Variants in C12orf42 observed in about 807,000 individuals in gnomAD.
The protein encoded by C12orf42 is uncharacterized protein C12orf42.
Under a neutral mutation model 21.6 loss-of-function variants are expected in C12orf42, and 25 were observed. The ratio of observed to expected loss-of-function variants is 1.16; its 90% confidence interval spans 0.84 to 1.62. The LOEUF (loss-of-function observed/expected upper bound fraction) is 1.62. Among genes scored for constraint, C12orf42 ranks in the 40% most tolerant of loss-of-function variants. The pLI is 0.00. For synonymous variants in C12orf42, 174 were observed against 175.0 expected (o/e 0.99, Z 0.05); for missense variants, 483 against 459.3 (o/e 1.05, Z -0.47).
chr12:103,156,379 G>A, the C12orf42 span, among the ~76,000 whole-genome samples: 2 of 152,144 alleles, frequency 1.3e-5, no homozygotes, highest in South Asian at 2.1e-4. Flanking sequence ...CTTCAGGAGT[G>A]CTATAATGGA....
At chr12:103,332,503 G>A (rs1373163474) in intron 4 of C12orf42, among the ~76,000 whole-genome samples, 1 of 152,200 alleles carries the variant, frequency 6.6e-6, no homozygotes, top group East Asian at 1.9e-4. Flanking sequence ...ATAGCCACCC[G>A]AGTCTTAGTG....
At chr12:103,402,915 G>A (rs985949538) in intron 2 of C12orf42, among the ~76,000 whole-genome samples, 21 of 152,194 alleles carry the variant, frequency 1.4e-4, no homozygotes, top group Non-Finnish European at 2.6e-4. Flanking sequence ...CACTGAAGCT[G>A]AGTAGTGCTA....
chr12:103,208,580 C>T, the C12orf42 span, among the ~76,000 whole-genome samples: 1 of 152,082 alleles, frequency 6.6e-6, no homozygotes. Flanking sequence ...GATTTTTGCC[C>T]AGAAAGAGCA....
the C12orf42 span, among the ~76,000 whole-genome samples, chr12:103,057,497 C>T: frequency 7.2e-5 from 11 of 152,114 alleles, no homozygotes; most frequent in Non-Finnish European, 1.3e-4. Flanking sequence ...TGATGGCTTC[C>T]GGCTTCATCC....
the C12orf42 span, among the ~76,000 whole-genome samples, chr12:103,200,934 C>A: frequency 0.33 from 50,368 of 152,056 alleles, 9,301 homozygotes; most frequent in South Asian, 0.42. Context: ...TCATAAAAAT[C>A]TGTGCTTTGG....
At chr12:103,181,820 C>A in the C12orf42 span, among the ~76,000 whole-genome samples, 20 of 152,160 alleles carry the variant, frequency 1.3e-4, no homozygotes, top group Non-Finnish European at 2.8e-4. Flanking sequence ...ACACCTCTAC[C>A]CCTACCCTGT....
chr12:103,523,128 C>T, the C12orf42 span, among the ~76,000 whole-genome samples: 3 of 152,086 alleles, frequency 2.0e-5, no homozygotes, highest in African/African-American at 7.2e-5. Flanking sequence ...ATAAATGAGC[C>T]CTCTCTTTTA....
chr12:103,341,438 T>C (rs2042166373), intron 4 of C12orf42, among the ~76,000 whole-genome samples: 1 of 151,542 alleles, frequency 6.6e-6, no homozygotes, highest in South Asian at 2.1e-4. Flanking sequence ...AAAGAGAGAG[T>C]TAAATGTGAA....
intron 6 of C12orf42, among the ~76,000 whole-genome samples, chr12:103,269,550 A>G (rs2035340549): frequency 6.6e-6 from 1 of 152,150 alleles, no homozygotes; most frequent in African/African-American, 2.4e-5. Context: ...AAATTTATCA[A>G]TCAGTGTTTA....
At chr12:103,223,609 G>T in the C12orf42 span, among the ~76,000 whole-genome samples, 2 of 152,208 alleles carry the variant, frequency 1.3e-5, no homozygotes, top group East Asian at 3.9e-4. Context: ...GTGTAAACCG[G>T]CAGTGTAAAC....
At chr12:103,139,784 A>T in the C12orf42 span, among the ~76,000 whole-genome samples, 1 of 152,226 alleles carries the variant, frequency 6.6e-6, no homozygotes, top group Non-Finnish European at 1.5e-5. Context: ...CAGACAATGC[A>T]TATGCAGTGC....
At chr12:103,121,120 G>T in the C12orf42 span, among the ~76,000 whole-genome samples, 1 of 152,162 alleles carries the variant, frequency 6.6e-6, no homozygotes, top group Non-Finnish European at 1.5e-5. Flanking sequence ...TCTGTATAGA[G>T]TGGAAATTTA....
chr12:103,310,601 A>G (rs2038884641), intron 4 of C12orf42, among the ~76,000 whole-genome samples: 1 of 152,190 alleles, frequency 6.6e-6, no homozygotes, highest in Non-Finnish European at 1.5e-5. Context: ...CCACGCTATC[A>G]ATTACCTCCT....
chr12:103,360,026 T>C (rs1023475627), intron 4 of C12orf42, among the ~76,000 whole-genome samples: 1 of 151,500 alleles, frequency 6.6e-6, no homozygotes, highest in Admixed American at 6.6e-5. Context: ...TGTTGTTTTT[T>C]ACTTAGATGA....
the C12orf42 span, among the ~76,000 whole-genome samples, chr12:103,116,802 G>A: frequency 1.3e-5 from 2 of 152,180 alleles, no homozygotes; most frequent in African/African-American, 4.8e-5. Flanking sequence ...GAATGATGAG[G>A]TTCAGAAAGA....
chr12:103,114,246 C>T, the C12orf42 span, among the ~76,000 whole-genome samples: 5 of 152,000 alleles, frequency 3.3e-5, no homozygotes, highest in Admixed American at 2.6e-4. Flanking sequence ...TTGTGTTTTA[C>T]GTTTTAAAGA....
rs184177525 is a variant in C12orf42 at position 103,483,784 on chromosome 12, G to T, written c.-21-5337C>A. ...CTCATCAACTCATCATTTACATTAG[G>T]TGTTTCTCCTAATGCTATCCCTCCC... On this transcript the variant is annotated intron_variant, in intron 1 of 5. Transcript: ENST00000548883. 3.6e-3 allele frequency among the ~76,000 whole-genome samples: 541 copies of T among 152,054 alleles called. 6 individuals are homozygous for T. Among genetic ancestry groups the T allele is most frequent in the African/African-American group, 0.012 (506 of 41,464 alleles).
the C12orf42 span, among the ~76,000 whole-genome samples, chr12:103,217,588 T>TTAC: frequency 6.6e-6 from 1 of 151,698 alleles, no homozygotes; most frequent in Non-Finnish European, 1.5e-5. Context: ...TTTTCTGCTG[T>TTAC]TACTGCTCAC....
At chr12:103,423,867 A>G (rs1429583568) in intron 2 of C12orf42, among the ~76,000 whole-genome samples, 1 of 152,246 alleles carries the variant, frequency 6.6e-6, no homozygotes, top group African/African-American at 2.4e-5. Context: ...ACAAGTTGAG[A>G]ATTAGACTCC....
Sources: gnomAD v4.1 joint callset for allele counts (sites outside exome capture counted in the v4.1 genomes callset) on GRCh38, gnomAD v4.1.1 for gene constraint, MANE v1.5 for transcripts, NCBI Gene and HGNC (gene_info 2026-07-23, HGNC 2026-07-21) for gene names.